The following ILDR2 variants were observed in gnomAD, a reference collection of about 807,000 sequenced individuals.
The protein encoded by ILDR2 is immunoglobulin-like domain-containing receptor 2.
A neutral mutation model predicts 66.8 loss-of-function variants in ILDR2; 25 were observed. The observed-to-expected ratio is 0.37, with a 90% confidence interval of 0.27 to 0.52. ILDR2 has a LOEUF of 0.52. Ranked by LOEUF, ILDR2 falls within the 20% of genes least tolerant of loss-of-function variation. ILDR2 has a pLI of 0.88. For missense variants in ILDR2, 827 were observed against 876.8 expected, an observed-to-expected ratio of 0.94 and a Z score of 0.72; for synonymous variants, 367 against 357.2, an observed-to-expected ratio of 1.03 and a Z score of -0.31.
chr1:166,956,615 A>G, intron 3 of ILDR2, 118 bp downstream of exon 3: 1 of 1,078,122 alleles, frequency 9.3e-7, no homozygotes. Context: ...TGTGCATGAA[A>G]GATAAGACTG....
chr1:166,896,464 G>C (rs1344795083), intron 2 of ILDR2, among the ~76,000 whole-genome samples: 1 of 151,442 alleles, frequency 6.6e-6, no homozygotes, highest in African/African-American at 2.4e-5. Flanking sequence ...CTCTCAAGTA[G>C]GTAAAATGTG....
intron 1 of ILDR2, among the ~76,000 whole-genome samples, chr1:166,974,363 C>T (rs915721284): frequency 6.6e-6 from 1 of 152,182 alleles, no homozygotes; most frequent in African/African-American, 2.4e-5. Context: ...CCCTGTATCC[C>T]TATGGGAATC....
rs760569260 is a variant in ILDR2, at chr1:166,975,290, A to T, written c.-22T>A. On this transcript the variant is annotated 5_prime_UTR_variant, in exon 1 of 10. Transcript: ENST00000271417. ...CCATCTTCCCCAACTTCCCAGCCGAATTACGGAGTGAGGAAAGTGGGAAAT... is the reference window on the plus strand; with the variant it reads ...CCATCTTCCCCAACTTCCCAGCCGATTTACGGAGTGAGGAAAGTGGGAAAT... 6 of 1,611,130 alleles carry T rather than the reference A, an allele frequency of 3.7e-6. No individual in the cohort carries two copies. The highest frequency in any genetic ancestry group is 5.1e-6 in the Non-Finnish European group (6 of 1,177,756).
chr1:166,949,654 C>CA (rs1356214699), intron 3 of ILDR2, among the ~76,000 whole-genome samples: 1 of 152,188 alleles, frequency 6.6e-6, no homozygotes, highest in East Asian at 1.9e-4. Context: ...TTGAAGGAAC[C>CA]ACAAGCCCTA....
intron 3 of ILDR2, among the ~76,000 whole-genome samples, chr1:166,946,748 AC>A (rs1661636211): frequency 6.6e-6 from 1 of 151,998 alleles, no homozygotes; most frequent in Admixed American, 6.6e-5. Context: ...ATATCTCACC[AC>A]CCCAAAACTT....
At chr1:166,950,333 CT>C (rs1342279428) in intron 3 of ILDR2, among the ~76,000 whole-genome samples, 1 of 152,162 alleles carries the variant, frequency 6.6e-6, no homozygotes, top group Non-Finnish European at 1.5e-5. Flanking sequence ...GCCATGGGAA[CT>C]CTGGGAGCTG....
rs1431616522 is a variant in ILDR2 at position 166,909,764 on chromosome 1, T to TAA, written c.*9590_*9591insTT. The TAA allele has an allele frequency of 3.9e-4, 27 of 69,200 alleles. No homozygotes were observed. The highest frequency in any genetic ancestry group is 1.1e-3 in the African/African-American group (15 of 13,320). The allele number at this position is 69,200 out of a possible 1,614,324, so 4.3% of individuals were successfully genotyped here. ...ATATATATATATATATATATAAATATATATAAATATATATATTTATATATA... is the reference window on the plus strand; with the variant it reads ...ATATATATATATATATATATAAATATAAATATAAATATATATATTTATATATA... On this transcript the variant is annotated 3_prime_UTR_variant, in exon 10 of 10. Coordinates refer to ENST00000271417, the MANE Select transcript of ILDR2 (RefSeq NM_199351.3).
chr1:166,935,018 T>C (rs1052249328), intron 6 of ILDR2, among the ~76,000 whole-genome samples: 3 of 152,194 alleles, frequency 2.0e-5, no homozygotes, highest in Non-Finnish European at 4.4e-5. Flanking sequence ...AACAACTATT[T>C]GCTAACTGAA....
chr1:166,939,866 A>C (rs1661209642), intron 3 of ILDR2, among the ~76,000 whole-genome samples: 3 of 152,186 alleles, frequency 2.0e-5, no homozygotes, highest in African/African-American at 7.2e-5. Flanking sequence ...GACATACACT[A>C]TCTCCATTCA....
chr1:166,931,702 T>G (rs1022321884), intron 6 of ILDR2, among the ~76,000 whole-genome samples: 1 of 151,950 alleles, frequency 6.6e-6, no homozygotes, highest in African/African-American at 2.4e-5. Flanking sequence ...CAACTCAAGG[T>G]TATTTTGAGT....
At chr1:166,974,717 G>C (rs1305663694) in intron 1 of ILDR2, among the ~76,000 whole-genome samples, 1 of 152,062 alleles carries the variant, frequency 6.6e-6, no homozygotes, top group Admixed American at 6.5e-5. Flanking sequence ...CCTCCAGAGA[G>C]CCACAGAGAG....
chr1:166,934,393 T>C (rs1325982339), intron 6 of ILDR2, among the ~76,000 whole-genome samples: 1 of 152,198 alleles, frequency 6.6e-6, no homozygotes, highest in Non-Finnish European at 1.5e-5. Flanking sequence ...TCTTTCACAG[T>C]GTCTCTCAGC....
chr1:166,960,153 G>T (rs954005462), intron 1 of ILDR2, among the ~76,000 whole-genome samples: 2 of 152,184 alleles, frequency 1.3e-5, no homozygotes, highest in Non-Finnish European at 2.9e-5. Flanking sequence ...TGAAAAAGTA[G>T]GTCCTAATTC....
intron 6 of ILDR2, among the ~76,000 whole-genome samples, chr1:166,930,786 A>C (rs977492344): frequency 6.6e-6 from 1 of 152,194 alleles, no homozygotes; most frequent in Non-Finnish European, 1.5e-5. Flanking sequence ...CCTTGACGGC[A>C]GGTAAAATTT....
Position 166,910,193 on chromosome 1 carries a change from T to C in ILDR2, c.*9162A>G, listed in dbSNP as rs1317654696. Reference sequence around the variant, plus strand: ...CCTGACTTCAGAAAACAATTGTAATTCCATGGTGTTAAAAGCACACTTTAA... The same window carrying C: ...CCTGACTTCAGAAAACAATTGTAATCCCATGGTGTTAAAAGCACACTTTAA... On this transcript the variant is annotated 3_prime_UTR_variant, in exon 10 of 10. Coordinates refer to ENST00000271417, the MANE Select transcript of ILDR2 (RefSeq NM_199351.3). 1 of 151,990 alleles carries C rather than the reference T, an allele frequency of 6.6e-6. No homozygotes were observed. The highest frequency in any genetic ancestry group is 2.4e-5 in the African/African-American group (1 of 41,392). 9.4% of individuals were successfully genotyped at this position (151,990 alleles called of 1,614,324 possible). A position where few individuals can be genotyped will look rare whatever the true frequency, so the allele number is the denominator to read the frequency against.
At position 166,973,617 on chromosome 1, in the gene ILDR2, C is replaced by CCCCA. The variant is rs1206571558; in HGVS notation, c.46+1605_46+1606insTGGG. On this transcript the variant is annotated intron_variant, in intron 1 of 9. Transcript: ENST00000271417. ...ACCTCTGACTCAGGGACCCCTCCCCCCCCCCCCCGATGCCTGGCTGACTTC... is the reference window on the plus strand; with the variant it reads ...ACCTCTGACTCAGGGACCCCTCCCCCCCCACCCCCCCCGATGCCTGGCTGACTTC... Among the ~76,000 whole-genome samples the CCCCA allele has an allele frequency of 6.4e-5, 7 of 109,494 alleles. 1 individual carries two copies. Among genetic ancestry groups the CCCCA allele is most frequent in the South Asian group, 3.1e-4 (1 of 3,226 alleles). 71.8% of individuals were successfully genotyped at this position (109,494 alleles called of 152,430 possible). A position where few individuals can be genotyped will look rare whatever the true frequency, so the allele number is the denominator to read the frequency against.
At chr1:166,930,746 C>T (rs1660593868) in intron 6 of ILDR2, among the ~76,000 whole-genome samples, 1 of 152,122 alleles carries the variant, frequency 6.6e-6, no homozygotes, top group Admixed American at 6.5e-5. Context: ...CACTTACAAG[C>T]CCCAGCAACC....
At chr1:166,969,549 G>A (rs570809208) in intron 1 of ILDR2, among the ~76,000 whole-genome samples, 1 of 152,100 alleles carries the variant, frequency 6.6e-6, no homozygotes, top group Admixed American at 6.6e-5. Context: ...CTGTCACTGG[G>A]GCACATCCTC....
At chr1:166,897,561 C>A (rs746146287) in intron 2 of ILDR2, among the ~76,000 whole-genome samples, 3 of 152,128 alleles carry the variant, frequency 2.0e-5, no homozygotes, top group Non-Finnish European at 2.9e-5. Flanking sequence ...GACCTCCCAA[C>A]CTTAGGGAGG....
Sources: allele counts gnomAD v4.1 joint callset (sites outside exome capture counted in the v4.1 genomes callset), GRCh38; gene constraint gnomAD v4.1.1; transcripts MANE v1.5; gene names NCBI Gene and HGNC (gene_info 2026-07-23, HGNC 2026-07-21).